The following OSBPL10 variants were observed in gnomAD, a reference collection of about 807,000 sequenced individuals.
The protein encoded by OSBPL10 is oxysterol binding protein like 10, also known as oxysterol-binding protein-related protein 10.
Under a neutral mutation model 81.7 loss-of-function variants are expected in OSBPL10, and 49 were observed. That is an observed-to-expected ratio of 0.60 (90% CI 0.48 to 0.76). The LOEUF is 0.76. Among genes scored for constraint, OSBPL10 ranks in the 30% least tolerant of loss-of-function variants. The pLI is 0.00. For synonymous variants in OSBPL10, 419 were observed against 383.6 expected (o/e 1.09, Z -1.08); for missense variants, 923 against 987.8 (o/e 0.93, Z 0.88).
chr3:31,767,843 G>A (rs758684298), intron 4 of OSBPL10, among the ~76,000 whole-genome samples: 31 of 152,274 alleles, frequency 2.0e-4, no homozygotes, highest in Non-Finnish European at 3.8e-4. Flanking sequence ...GTCACAAGGC[G>A]AACCTCAAAA....
chr3:31,674,583 TTAGATAGATAGATAGATAGA>T (rs55696700), intron 8 of OSBPL10, among the ~76,000 whole-genome samples: 39,978 of 147,822 alleles, frequency 0.27, 7,242 homozygotes, highest in African/African-American at 0.52. Context: ...GATAGATAGA[TTAGATAGATAGATAGATAGA>T]TAGATAGATA....
Position 32,065,771 on chromosome 3 carries a change from A to G in OSBPL10, n.185+11625T>C, listed in dbSNP as rs1409798714. On this transcript the variant is annotated intron_variant and non_coding_transcript_variant, in intron 1 of 3. Transcript: ENST00000479173. ...GTGGCATCTGTCTGTGGTCCCAGCTACTTGGGAGGCTGAAGCCAAAGGATC... is the reference window on the plus strand; with the variant it reads ...GTGGCATCTGTCTGTGGTCCCAGCTGCTTGGGAGGCTGAAGCCAAAGGATC... Among the ~76,000 whole-genome samples, 5 of 88,996 alleles carry G rather than the reference A, an allele frequency of 5.6e-5. 1 individual carries two copies. Among genetic ancestry groups the G allele is most frequent in the Admixed American group, 2.9e-4 (2 of 7,014 alleles). 58.4% of individuals were successfully genotyped at this position (88,996 alleles called of 152,430 possible).
At chr3:31,987,182 A>G (rs1167658832) in intron 2 of OSBPL10, among the ~76,000 whole-genome samples, 1 of 152,144 alleles carries the variant, frequency 6.6e-6, no homozygotes, top group Non-Finnish European at 1.5e-5. Flanking sequence ...CTATCTGCAT[A>G]GTTGTATATC....
chr3:31,972,847 C>A (rs999558077), intron 1 of OSBPL10, among the ~76,000 whole-genome samples: 2 of 152,142 alleles, frequency 1.3e-5, no homozygotes, highest in African/African-American at 2.4e-5. Flanking sequence ...CTAAAAACTA[C>A]AACACAAAAA....
chr3:31,934,529 C>G (rs1448372100), intron 1 of OSBPL10, among the ~76,000 whole-genome samples: 2 of 151,868 alleles, frequency 1.3e-5, no homozygotes, highest in Non-Finnish European at 2.9e-5. Context: ...CTGCCTCAGC[C>G]TCCTGAAGCT....
intron 1 of OSBPL10, among the ~76,000 whole-genome samples, chr3:31,888,101 G>T (rs1363294295): frequency 6.6e-6 from 1 of 152,118 alleles, no homozygotes; most frequent in Non-Finnish European, 1.5e-5. Flanking sequence ...ATCCAAAACA[G>T]CATGGTACTG....
chr3:31,695,654 A>G (rs148530093), intron 7 of OSBPL10, among the ~76,000 whole-genome samples: 369 of 152,342 alleles, frequency 2.4e-3, no homozygotes, highest in African/African-American at 8.6e-3. Context: ...TTCTTGGAGA[A>G]ACAGAGACAA....
At chr3:31,824,855 A>G (rs1218391520) in intron 4 of OSBPL10, among the ~76,000 whole-genome samples, 1 of 152,152 alleles carries the variant, frequency 6.6e-6, no homozygotes, top group East Asian at 1.9e-4. Flanking sequence ...CTGCATCACC[A>G]TCATAGATCT....
intron 3 of OSBPL10, among the ~76,000 whole-genome samples, chr3:31,848,580 C>G (rs1006994455): frequency 7.9e-5 from 12 of 152,238 alleles, no homozygotes; most frequent in African/African-American, 2.9e-4. Context: ...GCCTGAGCTG[C>G]TGCTTCAACC....
In OSBPL10 at chr3:31,830,209, C is replaced by A; in HGVS notation, c.560G>T (p.Arg187Leu). The change falls in exon 4 of 12, where the codon CGA (arginine) becomes CTA (leucine). Residue 187 changes from arginine to leucine, a missense_variant. By Grantham distance (102) the Arg-to-Leu change is moderately radical. Transcript: ENST00000396556. ...TCCATGTGGGAGCAAAGTGAGACTT[C>A]GGCTTCGGGAGCTTGGAGCACTCTA... ...NSKSAPSSRS[R>L]SLTLLPHGTP... 2 of 1,613,868 alleles carry A rather than the reference C, an allele frequency of 1.2e-6. No individual in the cohort carries two copies. The highest frequency in any genetic ancestry group is 1.7e-6 in the Non-Finnish European group (2 of 1,179,880).
chr3:31,814,738 C>G (rs1359039782), intron 4 of OSBPL10, among the ~76,000 whole-genome samples: 1 of 152,160 alleles, frequency 6.6e-6, no homozygotes. Flanking sequence ...GTTTAAGCCA[C>G]CCAGCTGTAG....
At chr3:31,999,682 C>A (rs1270740082) in intron 2 of OSBPL10, among the ~76,000 whole-genome samples, 1 of 152,184 alleles carries the variant, frequency 6.6e-6, no homozygotes, top group South Asian at 2.1e-4. Flanking sequence ...TTTAAAAATT[C>A]TTTGCCATTC....
At chr3:31,891,285 C>T (rs1223222334) in intron 1 of OSBPL10, among the ~76,000 whole-genome samples, 1 of 152,074 alleles carries the variant, frequency 6.6e-6, no homozygotes, top group South Asian at 2.1e-4. Flanking sequence ...TTCCTGGGCC[C>T]CTCCCCCAGA....
At chr3:31,857,785 G>GC in intron 3 of OSBPL10, among the ~76,000 whole-genome samples, 1 of 214 alleles carries the variant, frequency 4.7e-3, no homozygotes, top group Non-Finnish European at 9.6e-3. Context: ...CAGGGGGGTG[G>GC]GGGGGAGAGA....
intron 3 of OSBPL10, among the ~76,000 whole-genome samples, chr3:31,874,922 T>G (rs1355229671): frequency 6.6e-6 from 1 of 152,096 alleles, no homozygotes; most frequent in Admixed American, 6.6e-5. Context: ...TACAGCATTA[T>G]ATGTGACAAC....
intron 4 of OSBPL10, among the ~76,000 whole-genome samples, chr3:31,761,821 A>AAAAAAAAAAAAC (rs1553622722): frequency 1.4e-5 from 2 of 138,022 alleles, no homozygotes; most frequent in African/African-American, 3.4e-5. Flanking sequence ...TCTAAAAAAA[A>AAAAAAAAAAAAC]AAAAAAAAAA....
intron 4 of OSBPL10, among the ~76,000 whole-genome samples, chr3:31,774,019 G>C (rs576012266): frequency 6.6e-6 from 1 of 151,902 alleles, no homozygotes; most frequent in Admixed American, 6.6e-5. Context: ...AAGATTAGCC[G>C]GGCGTGGTGG....
chr3:31,846,156 G>T (rs1700626302), intron 3 of OSBPL10, among the ~76,000 whole-genome samples: 1 of 152,232 alleles, frequency 6.6e-6, no homozygotes, highest in South Asian at 2.1e-4. Flanking sequence ...GGGACAACAG[G>T]CATGTCCCAC....
chr3:31,937,294 G>C (rs866872757), intron 1 of OSBPL10, among the ~76,000 whole-genome samples: 1 of 146,430 alleles, frequency 6.8e-6, no homozygotes, highest in African/African-American at 2.5e-5. Flanking sequence ...AAAAAAAAAA[G>C]AAAGAAAGTC....
Sources: gnomAD v4.1 joint callset for allele counts (sites outside exome capture counted in the v4.1 genomes callset) on GRCh38, gnomAD v4.1.1 for gene constraint, MANE v1.5 for transcripts, NCBI Gene and HGNC (gene_info 2026-07-23, HGNC 2026-07-21) for gene names.